SVIL: variants seen among roughly 807,000 people sequenced by gnomAD.
The protein encoded by SVIL is supervillin.
A neutral mutation model predicts 240.4 loss-of-function variants in SVIL; 101 were observed. The observed-to-expected ratio is 0.42, with a 90% confidence interval of 0.36 to 0.50. The LOEUF (loss-of-function observed/expected upper bound fraction) is 0.50. SVIL is among the 20% of genes least tolerant of loss of function. The pLI, the probability that SVIL is intolerant of heterozygous loss-of-function variation, is 0.01. For synonymous variants in SVIL, 999 were observed against 1,100.0 expected (o/e 0.91, Z 1.82); for missense variants, 2,512 against 2,818.7 (o/e 0.89, Z 2.46).
intron 1 of SVIL, among the ~76,000 whole-genome samples, chr10:29,710,314 C>T (rs1963190160): frequency 6.6e-6 from 1 of 152,210 alleles, no homozygotes; most frequent in African/African-American, 2.4e-5. Context: ...TTGGCCTCCT[C>T]CCAAAGTGTC....
At position 29,536,632 on chromosome 10, in the gene SVIL, G is replaced by A. The variant is rs184216751; in HGVS notation, c.828-563C>T. On this transcript the variant is annotated intron_variant, in intron 6 of 37. Coordinates refer to ENST00000355867, the MANE Select transcript of SVIL (RefSeq NM_021738.3). ...ATTATTAGAAAGGAGTCTGTTGGCC[G>A]GGTGCAGTGGCTCACGCCTGTAATC... Among the ~76,000 whole-genome samples, 226 of 152,144 alleles carry A rather than the reference G, an allele frequency of 1.5e-3. 1 individual carries two copies. The highest frequency in any genetic ancestry group is 5.2e-3 in the African/African-American group (217 of 41,508).
intron 2 of SVIL, among the ~76,000 whole-genome samples, chr10:29,567,577 T>C (rs1955074329): frequency 6.6e-6 from 1 of 152,230 alleles, no homozygotes; most frequent in Non-Finnish European, 1.5e-5. Context: ...TAGCTGTGTC[T>C]CTTTGAGTCT....
intron 1 of SVIL, among the ~76,000 whole-genome samples, chr10:29,728,181 AT>A (rs1174798145): frequency 1.3e-5 from 2 of 151,978 alleles, no homozygotes; most frequent in Non-Finnish European, 2.9e-5. Context: ...CCCTTCCAAG[AT>A]TTTCCAGAAA....
intron 36 of SVIL, among the ~76,000 whole-genome samples, chr10:29,461,009 T>A (rs1944195048): frequency 6.6e-6 from 1 of 152,174 alleles, no homozygotes; most frequent in Non-Finnish European, 1.5e-5. Flanking sequence ...CACCCCTCCC[T>A]AATTCCTGTT....
intron 6 of SVIL, among the ~76,000 whole-genome samples, chr10:29,549,516 T>G (rs1192729645): frequency 1.4e-5 from 2 of 139,648 alleles, no homozygotes; most frequent in African/African-American, 5.4e-5. Flanking sequence ...GCCATCCCAT[T>G]ACTGGGTATA....
intron 6 of SVIL, among the ~76,000 whole-genome samples, chr10:29,546,765 T>TA (rs1952732079): frequency 6.6e-6 from 1 of 152,194 alleles, no homozygotes; most frequent in African/African-American, 2.4e-5. Context: ...TATTCGTATT[T>TA]AAATAATAAG....
intron 32 of SVIL, among the ~76,000 whole-genome samples, chr10:29,470,066 C>G (rs1446149536): frequency 3.9e-5 from 6 of 152,192 alleles, no homozygotes; most frequent in Non-Finnish European, 8.8e-5. Context: ...GATAAATCCT[C>G]AGAGCGGCCC....
chr10:29,546,574 C>CT (rs11374844), intron 6 of SVIL, among the ~76,000 whole-genome samples: 63,542 of 151,716 alleles, frequency 0.42, 13,323 homozygotes, highest in African/African-American at 0.44. Flanking sequence ...GCCTATAATG[C>CT]TAATGAGTAC....
intron 14 of SVIL, 88 bp downstream of exon 14, chr10:29,524,384 A>G: frequency 6.4e-7 from 1 of 1,571,024 alleles, no homozygotes; most frequent in South Asian, 1.2e-5. Flanking sequence ...GAGCACCTTA[A>G]TTACATCATT....
intron 1 of SVIL, among the ~76,000 whole-genome samples, chr10:29,621,643 CCT>C (rs1957645342): frequency 6.6e-6 from 1 of 152,212 alleles, no homozygotes; most frequent in African/African-American, 2.4e-5. Context: ...TTTCAAGCTA[CCT>C]CACAAAACCA....
chr10:29,470,562 G>C, intron 31 of SVIL, 79 bp from the exon 32 acceptor site: 1 of 1,540,204 alleles, frequency 6.5e-7, no homozygotes, highest in Non-Finnish European at 8.8e-7. Context: ...AGTGTCCGCT[G>C]TGTCGTCCAA....
chr10:29,541,718 T>C (rs1346410007), intron 6 of SVIL, among the ~76,000 whole-genome samples: 2 of 152,156 alleles, frequency 1.3e-5, no homozygotes, highest in Non-Finnish European at 2.9e-5. Context: ...CATCTCCTGA[T>C]TGGAACCATC....
chr10:29,707,457 T>C (rs1258111029), intron 1 of SVIL, among the ~76,000 whole-genome samples: 1 of 152,168 alleles, frequency 6.6e-6, no homozygotes, highest in Admixed American at 6.5e-5. Context: ...TGTTGGTTTA[T>C]TCGAATGCTT....
chr10:29,551,620 G>T (rs745945532), intron 5 of SVIL, among the ~76,000 whole-genome samples: 1 of 152,190 alleles, frequency 6.6e-6, no homozygotes, highest in Non-Finnish European at 1.5e-5. Flanking sequence ...TCACGTGGGA[G>T]GCCATAGGAT....
At chr10:29,536,911 C>CAAAAAAAAAA (rs59133069) in intron 6 of SVIL, among the ~76,000 whole-genome samples, 5 of 89,856 alleles carry the variant, frequency 5.6e-5, no homozygotes, top group Admixed American at 1.4e-4. Flanking sequence ...GACTCTGTCA[C>CAAAAAAAAAA]AAAAAAAAAA....
chr10:29,687,167 A>G (rs973956345), intron 1 of SVIL, among the ~76,000 whole-genome samples: 2 of 152,166 alleles, frequency 1.3e-5, no homozygotes, highest in African/African-American at 2.4e-5. Context: ...TATGTTTACA[A>G]TCTAAGTCTA....
At chr10:29,714,132 G>C (rs558980037) in intron 1 of SVIL, among the ~76,000 whole-genome samples, 1 of 152,342 alleles carries the variant, frequency 6.6e-6, no homozygotes, top group South Asian at 2.1e-4. Context: ...TACTCACCTA[G>C]ACGGTGTCAG....
chr10:29,644,343 A>G (rs1958586346), intron 3 of SVIL, among the ~76,000 whole-genome samples: 1 of 152,190 alleles, frequency 6.6e-6, no homozygotes, highest in South Asian at 2.1e-4. Context: ...AGGGAGCATC[A>G]TCTATACCTT....
intron 36 of SVIL, among the ~76,000 whole-genome samples, chr10:29,461,383 T>A (rs371286801): frequency 1.3e-5 from 2 of 152,296 alleles, no homozygotes; most frequent in East Asian, 1.9e-4. Context: ...CAAGTCCATT[T>A]GGCTCCAGGG....
Sources: allele counts gnomAD v4.1 joint callset (sites outside exome capture counted in the v4.1 genomes callset), GRCh38; gene constraint gnomAD v4.1.1; transcripts MANE v1.5; gene names NCBI Gene and HGNC (gene_info 2026-07-23, HGNC 2026-07-21).